MOSMO: variants seen among roughly 807,000 people sequenced by gnomAD.
MOSMO encodes the protein modulator of smoothened.
MOSMO carries 5 observed loss-of-function variants against 18.4 expected under a neutral mutation model. That is an observed-to-expected ratio of 0.27 (90% confidence interval 0.14 to 0.57). The LOEUF (loss-of-function observed/expected upper bound fraction) is 0.57, where lower values mean the gene tolerates loss of function less well. Ranked by LOEUF, MOSMO falls within the 20% of genes least tolerant of loss-of-function variation. MOSMO has a pLI of 0.92. For synonymous variants in MOSMO, 82 were observed against 82.3 expected, an observed-to-expected ratio of 1.00 and a Z score of 0.02; for missense variants, 138 against 211.8, an observed-to-expected ratio of 0.65 and a Z score of 2.16.
chr16:22,026,274 T>A (rs190648281), intron 1 of MOSMO, among the ~76,000 whole-genome samples: 30 of 150,168 alleles, frequency 2.0e-4, no homozygotes, highest in African/African-American at 7.1e-4. Context: ...GCTGGAGTGC[T>A]GTGGTGCGAT....
chr16:22,064,894 A>G (rs1281405089), intron 1 of MOSMO, among the ~76,000 whole-genome samples: 5 of 151,998 alleles, frequency 3.3e-5, no homozygotes, highest in African/African-American at 1.2e-4. Context: ...CCTTCCACAT[A>G]TTTTCTATAC....
chr16:22,059,341 A>G (rs1382669666), intron 1 of MOSMO, among the ~76,000 whole-genome samples: 1 of 152,100 alleles, frequency 6.6e-6, no homozygotes, highest in Non-Finnish European at 1.5e-5. Flanking sequence ...GCCTTTTTTC[A>G]TGAGTTGTTG....
chr16:22,027,509 A>G (rs907405839), intron 1 of MOSMO, among the ~76,000 whole-genome samples: 1 of 152,214 alleles, frequency 6.6e-6, no homozygotes, highest in Non-Finnish European at 1.5e-5. Context: ...AATTAACTTG[A>G]GCACACATAA....
Position 22,080,731 on chromosome 16 carries a change from A to G in MOSMO, c.355A>G (p.Ile119Val), listed in dbSNP as rs1901062383. 5 of 1,500,790 alleles carry G rather than the reference A, an allele frequency of 3.3e-6. No homozygotes were observed. Among genetic ancestry groups the G allele is most frequent in the East Asian group, 2.6e-5 (1 of 38,074 alleles). 93.0% of individuals were successfully genotyped at this position (1,500,790 alleles called of 1,614,324 possible). A position where few individuals can be genotyped will look rare whatever the true frequency, so the allele number is the denominator to read the frequency against. ...CTGTATGGCTGCCCTAATATTTCCA[A>G]TAGGATTTTACATCAATGAAGTCGG... ...LFCMAALIFP[I>V]GFYINEVGGQ... The change falls in exon 3 of 3, where the codon ATA (isoleucine) becomes GTA (valine). Residue 119 changes from isoleucine to valine, a missense_variant. Transcript: ENST00000542527.
At chr16:22,086,565 C>T (rs572498955), downstream of MOSMO, among the ~76,000 whole-genome samples, 112 of 152,276 alleles carry the variant, frequency 7.4e-4, no homozygotes, top group Non-Finnish European at 1.5e-3. Context: ...ATCTCAATTC[C>T]ACCATTCCAG....
chr16:22,086,379 T>C (rs1167962103), downstream of MOSMO, among the ~76,000 whole-genome samples: 4 of 152,186 alleles, frequency 2.6e-5, no homozygotes, highest in Non-Finnish European at 5.9e-5. Flanking sequence ...ACCAGCCTGT[T>C]CTCCATTCTA....
At chr16:22,034,988 C>T (rs987210192) in intron 1 of MOSMO, among the ~76,000 whole-genome samples, 4 of 151,970 alleles carry the variant, frequency 2.6e-5, no homozygotes, top group Non-Finnish European at 5.9e-5. Flanking sequence ...TCCTCCTTGA[C>T]CTCCCAAAGT....
chr16:22,009,410 C>T (rs1899468972), intron 1 of MOSMO, among the ~76,000 whole-genome samples: 1 of 151,954 alleles, frequency 6.6e-6, no homozygotes, highest in Non-Finnish European at 1.5e-5. Flanking sequence ...GAAGGGTACC[C>T]CAGGTGAATG....
chr16:22,081,576 A>G lies in MOSMO; in HGVS notation c.*696A>G, dbSNP rs548039786. 1 of 148,796 alleles carries G rather than the reference A, an allele frequency of 6.7e-6. No individual in the cohort carries two copies. The highest frequency in any genetic ancestry group is 2.4e-5 in the African/African-American group (1 of 40,954). 9.2% of individuals were successfully genotyped at this position (148,796 alleles called of 1,614,324 possible). A position where few individuals can be genotyped will look rare whatever the true frequency, so the allele number is the denominator to read the frequency against. The stretch of plus-strand genomic sequence containing the variant: ...ATCTTCCTTATATTTATATAAATAT[A>G]TATAATATATATATTTTGCTGATGC... On this transcript the variant is annotated 3_prime_UTR_variant, in exon 3 of 3. Coordinates refer to ENST00000542527, the MANE Select transcript of MOSMO (RefSeq NM_001164579.2).
At chr16:22,013,611 C>T (rs1204326208) in intron 1 of MOSMO, among the ~76,000 whole-genome samples, 1 of 151,928 alleles carries the variant, frequency 6.6e-6, no homozygotes, top group African/African-American at 2.4e-5. Context: ...AGGCATTATC[C>T]CCTCACAGCA....
chr16:22,067,892 A>AG (rs1900778714), intron 1 of MOSMO, among the ~76,000 whole-genome samples: 1 of 150,816 alleles, frequency 6.6e-6, no homozygotes, highest in Non-Finnish European at 1.5e-5. Context: ...AAAGAAAGAA[A>AG]AAAAAAAAAA....
intron 1 of MOSMO, among the ~76,000 whole-genome samples, chr16:22,023,993 C>CA: frequency 2.4e-5 from 2 of 84,524 alleles, no homozygotes; most frequent in African/African-American, 2.4e-4. Flanking sequence ...GAATTTTGTA[C>CA]AAATTATATA....
At chr16:22,020,090 G>A (rs1429800268) in intron 1 of MOSMO, among the ~76,000 whole-genome samples, 1 of 150,766 alleles carries the variant, frequency 6.6e-6, no homozygotes, top group Non-Finnish European at 1.5e-5. Flanking sequence ...GCACATGCCT[G>A]TAATCCCAGC....
chr16:22,089,000 G>A (rs1208134478), downstream of MOSMO, among the ~76,000 whole-genome samples: 15 of 148,100 alleles, frequency 1.0e-4, no homozygotes, highest in Middle Eastern at 3.4e-3. Context: ...ACTTTGTTGA[G>A]AGAAAAAAAA....
intron 1 of MOSMO, among the ~76,000 whole-genome samples, chr16:22,050,887 GAAAAAAA>G (rs34532029): frequency 1.4e-5 from 1 of 70,488 alleles, no homozygotes; most frequent in African/African-American, 5.9e-5. Context: ...TGTCTCTTAA[GAAAAAAA>G]AAAAAAAAAA....
chr16:22,028,315 A>C (rs190742931), intron 1 of MOSMO, among the ~76,000 whole-genome samples: 1 of 151,598 alleles, frequency 6.6e-6, no homozygotes, highest in Admixed American at 6.6e-5. Flanking sequence ...CATTTCAGCA[A>C]TATGGATAGG....
chr16:22,059,378 A>G (rs766645783), intron 1 of MOSMO, among the ~76,000 whole-genome samples: 7 of 152,124 alleles, frequency 4.6e-5, no homozygotes, highest in Non-Finnish European at 8.8e-5. Flanking sequence ...AGCTCTAGAG[A>G]TAATAAACGT....
chr16:22,081,092 T>G lies in MOSMO; in HGVS notation c.*212T>G. ...AAAAAAAAAAAAAAAGGAGAGCCTT[T>G]TCCATAACCAAATACAGACAATATT... On this transcript the variant is annotated 3_prime_UTR_variant, in exon 3 of 3. Coordinates refer to ENST00000542527, the MANE Select transcript of MOSMO (RefSeq NM_001164579.2). 1 of 260,002 alleles carries G rather than the reference T, an allele frequency of 3.8e-6. No individual in the cohort carries two copies. Among genetic ancestry groups the G allele is most frequent in the Non-Finnish European group, 7.3e-6 (1 of 137,498 alleles). The allele number at this position is 260,002 out of a possible 1,614,324, so 16.1% of individuals were successfully genotyped here.
intron 1 of MOSMO, among the ~76,000 whole-genome samples, chr16:22,027,263 G>A (rs1414247272): frequency 1.3e-5 from 2 of 152,280 alleles, no homozygotes; most frequent in Non-Finnish European, 2.9e-5. Flanking sequence ...TGTGGAAAAT[G>A]CGCCACTTGT....
Sources: gnomAD v4.1 joint callset for allele counts (sites outside exome capture counted in the v4.1 genomes callset) on GRCh38, gnomAD v4.1.1 for gene constraint, MANE v1.5 for transcripts, NCBI Gene and HGNC (gene_info 2026-07-23, HGNC 2026-07-21) for gene names.